The following ARHGAP6 variants were observed in gnomAD, a reference collection of about 807,000 sequenced individuals.
ARHGAP6 encodes the protein rho GTPase-activating protein 6.
In ARHGAP6, 16 loss-of-function variants were observed where a neutral mutation model predicts 55.7. The ratio of observed to expected loss-of-function variants is 0.29; its 90% confidence interval spans 0.19 to 0.44. The LOEUF is 0.44. Among genes scored for constraint, ARHGAP6 ranks in the 20% least tolerant of loss-of-function variants. The pLI, the probability that ARHGAP6 is intolerant of heterozygous loss-of-function variation, is 1.00. For missense variants in ARHGAP6, 698 were observed against 808.9 expected (o/e 0.86, Z 1.66); for synonymous variants, 382 against 360.9 (o/e 1.06, Z -0.66).
chrX:11,283,852 A>G (rs1232865091), intron 1 of ARHGAP6, among the ~76,000 whole-genome samples: 1 of 111,932 alleles, frequency 8.9e-6, no homozygotes, highest in Non-Finnish European at 1.9e-5. Context: ...TAGCCCAGTG[A>G]GACCCATTTC....
intron 1 of ARHGAP6, among the ~76,000 whole-genome samples, chrX:11,354,297 C>T (rs866050901): frequency 0.016 from 463 of 28,491 alleles, no homozygotes; most frequent in Non-Finnish European, 0.027. Context: ...CTCTCTCTTT[C>T]TCTCTCTCTC....
chrX:11,506,404 C>A (rs757570042), intron 1 of ARHGAP6, among the ~76,000 whole-genome samples: 1 of 109,045 alleles, frequency 9.2e-6, no homozygotes, highest in Non-Finnish European at 1.9e-5. Flanking sequence ...CCCCACCCCA[C>A]GACAGGCCCC....
At chrX:11,396,681 A>G (rs752678126) in intron 1 of ARHGAP6, among the ~76,000 whole-genome samples, 72 of 111,625 alleles carry the variant, frequency 6.5e-4, no homozygotes, top group Middle Eastern at 4.6e-3. Context: ...TCTGGAATGA[A>G]TGCCAAGATG....
At chrX:11,141,616 C>A (rs889333508) in intron 12 of ARHGAP6, among the ~76,000 whole-genome samples, 1 of 112,202 alleles carries the variant, frequency 8.9e-6, no homozygotes, top group Admixed American at 9.4e-5. Flanking sequence ...CACTAACTTG[C>A]AATACTGATG....
chrX:11,519,311 T>G (rs2147875437), intron 1 of ARHGAP6, among the ~76,000 whole-genome samples: 1 of 109,998 alleles, frequency 9.1e-6, no homozygotes, highest in African/African-American at 3.4e-5. Context: ...TTCCTGACTT[T>G]TTAATGACTG....
intron 1 of ARHGAP6, among the ~76,000 whole-genome samples, chrX:11,277,854 G>C (rs2047799004): frequency 1.8e-5 from 2 of 111,651 alleles, no homozygotes; most frequent in African/African-American, 3.3e-5. Context: ...TCAGAGTTTA[G>C]TTCCTTTCAG....
intron 1 of ARHGAP6, among the ~76,000 whole-genome samples, chrX:11,374,869 G>C (rs976924969): frequency 9.0e-6 from 1 of 111,298 alleles, no homozygotes; most frequent in Non-Finnish European, 1.9e-5. Context: ...GTCACCTTTT[G>C]AGAAAGCTTC....
At chrX:11,189,646 C>T (rs1330570407) in intron 3 of ARHGAP6, among the ~76,000 whole-genome samples, 2 of 112,199 alleles carry the variant, frequency 1.8e-5, no homozygotes, top group Non-Finnish European at 3.8e-5. Flanking sequence ...AGCCATTCTA[C>T]TGGCCACATG....
chrX:11,523,917 G>A (rs1171041440), intron 1 of ARHGAP6, among the ~76,000 whole-genome samples: 2 of 111,631 alleles, frequency 1.8e-5, no homozygotes, highest in Non-Finnish European at 3.8e-5. Context: ...TTTATAAGCA[G>A]GCTCTGACAC....
At chrX:11,606,503 T>G (rs937990895) in intron 1 of ARHGAP6, among the ~76,000 whole-genome samples, 1 of 111,734 alleles carries the variant, frequency 8.9e-6, no homozygotes, top group Non-Finnish European at 1.9e-5. Context: ...TTAGCAGTCC[T>G]TGTGGCAAAC....
At chrX:11,342,751 T>C (rs904792995) in intron 1 of ARHGAP6, among the ~76,000 whole-genome samples, 2 of 112,416 alleles carry the variant, frequency 1.8e-5, no homozygotes, top group African/African-American at 6.5e-5. Context: ...TCCATCTAAA[T>C]TGAGAAAATG....
At chrX:11,200,311 G>T (rs2046600978) in intron 2 of ARHGAP6, among the ~76,000 whole-genome samples, 2 of 112,126 alleles carry the variant, frequency 1.8e-5, no homozygotes, top group Non-Finnish European at 3.8e-5. Flanking sequence ...ATAGGGATTG[G>T]CCTCCCTTTG....
chrX:11,515,716 C>T (rs1446961847), intron 1 of ARHGAP6, among the ~76,000 whole-genome samples: 1 of 112,247 alleles, frequency 8.9e-6, no homozygotes, highest in Non-Finnish European at 1.9e-5. Flanking sequence ...TTGTTTATTA[C>T]AAAATGATTC....
intron 1 of ARHGAP6, among the ~76,000 whole-genome samples, chrX:11,406,115 C>T (rs780297889): frequency 9.0e-6 from 1 of 111,057 alleles, no homozygotes; most frequent in East Asian, 2.8e-4. Flanking sequence ...ATTGCCCAGG[C>T]TGGTCTCTAA....
At chrX:11,326,844 TTTC>T (rs988865717) in intron 1 of ARHGAP6, among the ~76,000 whole-genome samples, 2 of 112,266 alleles carry the variant, frequency 1.8e-5, no homozygotes, top group African/African-American at 6.5e-5. Flanking sequence ...GAGTAAAATT[TTTC>T]TTCAATGGCT....
intron 5 of ARHGAP6, among the ~76,000 whole-genome samples, chrX:11,185,491 TTTAC>T (rs1469347230): frequency 8.9e-6 from 1 of 112,174 alleles, no homozygotes; most frequent in Non-Finnish European, 1.9e-5. Context: ...TGCTTTCACG[TTTAC>T]TTTTTTATTA....
chrX:11,404,068 A>C (rs1227913408), intron 1 of ARHGAP6, among the ~76,000 whole-genome samples: 1 of 112,019 alleles, frequency 8.9e-6, no homozygotes, highest in Non-Finnish European at 1.9e-5. Context: ...TCACCAGTCT[A>C]TGCCTTACTG....
At chrX:11,457,782 G>A (rs2050207296) in intron 1 of ARHGAP6, among the ~76,000 whole-genome samples, 1 of 111,543 alleles carries the variant, frequency 9.0e-6, no homozygotes, top group South Asian at 3.8e-4. Flanking sequence ...ACCCCTCACT[G>A]GGACATTTCT....
At chrX:11,518,724 G>A (rs5935095) in intron 1 of ARHGAP6, among the ~76,000 whole-genome samples, 1,600 of 100,800 alleles carry the variant, frequency 0.016, 24 homozygotes, top group Middle Eastern at 0.054. Context: ...ATGCTGGTGC[G>A]CTGCACCCAC....
Sources: gnomAD v4.1 joint callset for allele counts (sites outside exome capture counted in the v4.1 genomes callset) on GRCh38, gnomAD v4.1.1 for gene constraint, MANE v1.5 for transcripts, NCBI Gene and HGNC (gene_info 2026-07-23, HGNC 2026-07-21) for gene names.